Variants in LRRC8C observed in about 807,000 individuals in gnomAD.
LRRC8C encodes volume-regulated anion channel subunit LRRC8C.
LRRC8C carries 20 observed loss-of-function variants against 55.3 expected under a neutral mutation model. The observed-to-expected ratio is 0.36, with a 90% CI of 0.25 to 0.53. LRRC8C has a LOEUF of 0.53. Ranked by LOEUF, LRRC8C falls within the 20% of genes least tolerant of loss-of-function variation. The pLI, the probability that LRRC8C is intolerant of heterozygous loss-of-function variation, is 0.92. For synonymous variants in LRRC8C, 376 were observed against 360.7 expected, an observed-to-expected ratio of 1.04 and a Z score of -0.48; for missense variants, 659 against 951.4, an observed-to-expected ratio of 0.69 and a Z score of 4.04.
At position 89,704,411 on chromosome 1, in the gene LRRC8C, A is replaced by T. The variant is rs138774921; in HGVS notation, c.139-8298A>T. Among the ~76,000 whole-genome samples, 15 of 152,326 alleles carry T rather than the reference A, an allele frequency of 9.8e-5. No individual in the cohort carries two copies. The East Asian group carries it at 2.9e-3, about 29-fold the overall frequency. ...CAATATGTAATTCCATGGCACTTAG[A>T]ATGAAGTAGATCTCCAGGTGCCAAT... On this transcript the variant is annotated intron_variant, in intron 2 of 2. Transcript: ENST00000370454.
chr1:89,708,564 A>T (rs1164436090), intron 2 of LRRC8C: 1 of 151,696 alleles, frequency 6.6e-6, no homozygotes, highest in East Asian at 1.9e-4. Flanking sequence ...ACACTGTTTA[A>T]CCTTTTGAAG....
chr1:89,674,193 T>C (rs1657493681), intron 1 of LRRC8C, among the ~76,000 whole-genome samples: 1 of 152,242 alleles, frequency 6.6e-6, no homozygotes, highest in African/African-American at 2.4e-5. Context: ...TGTATTTTAA[T>C]TAAATGATTC....
intron 2 of LRRC8C, among the ~76,000 whole-genome samples, chr1:89,694,692 G>A (rs182084059): frequency 5.7e-4 from 85 of 149,390 alleles, no homozygotes; most frequent in African/African-American, 1.8e-3. Flanking sequence ...GGTTCAAGTG[G>A]TTCTCCTGCC....
At chr1:89,675,874 T>C (rs1316848554) in intron 1 of LRRC8C, among the ~76,000 whole-genome samples, 1 of 152,178 alleles carries the variant, frequency 6.6e-6, no homozygotes, top group African/African-American at 2.4e-5. Flanking sequence ...TGCAGAGAGC[T>C]GAGCCATTTC....
chr1:89,707,918 T>C (rs890874956), intron 2 of LRRC8C, among the ~76,000 whole-genome samples: 4 of 152,118 alleles, frequency 2.6e-5, no homozygotes, highest in African/African-American at 9.7e-5. Flanking sequence ...TCTCAGTGTC[T>C]CATTCTTCTG....
chr1:89,668,832 A>G (rs1446741376), intron 1 of LRRC8C, among the ~76,000 whole-genome samples: 1 of 152,186 alleles, frequency 6.6e-6, no homozygotes, highest in Non-Finnish European at 1.5e-5. Flanking sequence ...AATGTCTGGC[A>G]GTTAGTAAGC....
chr1:89,621,914 G>A, the LRRC8C span, among the ~76,000 whole-genome samples: 2 of 151,974 alleles, frequency 1.3e-5, no homozygotes, highest in African/African-American at 4.8e-5. Flanking sequence ...TGGGCTATAC[G>A]GTATCTTTTT....
In LRRC8C at chr1:89,636,357, A is replaced by T. The variant is rs184561122; in HGVS notation, c.-5+3035A>T. 2.0e-4 allele frequency among the ~76,000 whole-genome samples: 30 copies of T among 152,338 alleles called. No homozygotes were observed. In the East Asian group the frequency reaches 5.2e-3, roughly 26 times the overall value. ...TCAGTGATTCACTCTTTATGTAATT[A>T]TACAAAGGTCTAATCTGATTCTTAG... is the stretch of plus-strand genomic sequence containing the variant. On this transcript the variant is annotated intron_variant, in intron 1 of 2. Coordinates refer to ENST00000370454, the MANE Select transcript of LRRC8C (RefSeq NM_032270.5).
At chr1:89,700,415 C>T (rs1208910553) in intron 2 of LRRC8C, among the ~76,000 whole-genome samples, 1 of 152,214 alleles carries the variant, frequency 6.6e-6, no homozygotes, top group African/African-American at 2.4e-5. Flanking sequence ...ACTGGCTATG[C>T]CTCTTTGGTT....
chr1:89,660,760 G>A (rs1353495447), intron 1 of LRRC8C, among the ~76,000 whole-genome samples: 2 of 152,170 alleles, frequency 1.3e-5, no homozygotes, highest in Admixed American at 6.5e-5. Context: ...CCTCCAGACA[G>A]CAAGCTCACC....
At chr1:89,708,948 AT>A (rs1055801439) in intron 2 of LRRC8C, among the ~76,000 whole-genome samples, 10 of 151,574 alleles carry the variant, frequency 6.6e-5, no homozygotes, top group Non-Finnish European at 1.3e-4. Flanking sequence ...AGATTCCAGT[AT>A]TTTTTTTTCT....
the LRRC8C span, among the ~76,000 whole-genome samples, chr1:89,617,565 T>C: frequency 6.6e-6 from 1 of 152,250 alleles, no homozygotes; most frequent in African/African-American, 2.4e-5. Flanking sequence ...CTTGATCTAC[T>C]TCCATGGATT....
At chr1:89,653,411 A>G (rs1188113443) in intron 1 of LRRC8C, among the ~76,000 whole-genome samples, 1 of 149,434 alleles carries the variant, frequency 6.7e-6, no homozygotes, top group East Asian at 1.9e-4. Flanking sequence ...ACTGTCATGT[A>G]TCATGTAGCC....
At chr1:89,622,047 G>A in the LRRC8C span, among the ~76,000 whole-genome samples, 2 of 152,156 alleles carry the variant, frequency 1.3e-5, no homozygotes, top group South Asian at 2.1e-4. Flanking sequence ...TGAAACTCCA[G>A]ATAAGCAAGA....
At chr1:89,666,080 C>T (rs1238398040) in intron 1 of LRRC8C, among the ~76,000 whole-genome samples, 2 of 152,052 alleles carry the variant, frequency 1.3e-5, no homozygotes, top group East Asian at 3.9e-4. Context: ...TCTATGACAT[C>T]CACACGACAA....
At chr1:89,688,892 A>T (rs1395131050) in intron 2 of LRRC8C, among the ~76,000 whole-genome samples, 1 of 152,184 alleles carries the variant, frequency 6.6e-6, no homozygotes, top group Non-Finnish European at 1.5e-5. Flanking sequence ...ATGCTCCTTG[A>T]CACATCAAAG....
Position 89,685,101 on chromosome 1 carries a change from C to CTTTTT in LRRC8C, c.-4-1348_-4-1344dup, listed in dbSNP as rs11316114. 2.8e-3 allele frequency among the ~76,000 whole-genome samples: 217 copies of CTTTTT among 76,178 alleles called. 4 individuals are homozygous for CTTTTT. The highest frequency in any genetic ancestry group is 6.2e-3 in the East Asian group (13 of 2,092). 50.0% of individuals were successfully genotyped at this position (76,178 alleles called of 152,430 possible). ...TGGGATGTTTATTGTCTATCTAGTT[C>CTTTTT]TTTTTTTTTTTTTTTTTTTTTTTTT... On this transcript the variant is annotated intron_variant, in intron 1 of 2. Coordinates refer to ENST00000370454, the MANE Select transcript of LRRC8C (RefSeq NM_032270.5).
chr1:89,673,926 C>G (rs1657485279), intron 1 of LRRC8C, among the ~76,000 whole-genome samples: 1 of 152,146 alleles, frequency 6.6e-6, no homozygotes, highest in Admixed American at 6.5e-5. Flanking sequence ...GTGCTAGAAC[C>G]TGGGTCTGCG....
intron 2 of LRRC8C, among the ~76,000 whole-genome samples, chr1:89,695,534 T>C (rs1658150779): frequency 6.6e-6 from 1 of 152,180 alleles, no homozygotes; most frequent in African/African-American, 2.4e-5. Flanking sequence ...GCTGAGACAG[T>C]GTTGTAGTGA....
Sources: gnomAD v4.1 joint callset for allele counts (sites outside exome capture counted in the v4.1 genomes callset) on GRCh38, gnomAD v4.1.1 for gene constraint, MANE v1.5 for transcripts, NCBI Gene and HGNC (gene_info 2026-07-23, HGNC 2026-07-21) for gene names.